AAK1: variants seen among roughly 807,000 people sequenced by gnomAD.
AAK1 encodes AP2 associated kinase 1.
In AAK1, 37 loss-of-function variants were observed where a neutral mutation model predicts 116.0. The ratio of observed to expected loss-of-function variants is 0.32; its 90% CI spans 0.25 to 0.42. The LOEUF (loss-of-function observed/expected upper bound fraction) is 0.42, where lower values mean the gene tolerates loss of function less well. AAK1 is among the 10% of genes least tolerant of loss of function. The probability of loss-of-function intolerance (pLI) is 1.00; values close to 1 mark genes in which losing one functional copy is unlikely to be tolerated. For missense variants in AAK1, 919 were observed against 1,170.6 expected (o/e 0.79, Z 3.14); for synonymous variants, 458 against 439.9 (o/e 1.04, Z -0.51).
chr2:69,562,821 C>T (rs368978161), intron 2 of AAK1, among the ~76,000 whole-genome samples: 15 of 152,248 alleles, frequency 9.9e-5, no homozygotes, highest in African/African-American at 3.6e-4. Context: ...ACCTGGGAGG[C>T]GGAGGTTGCA....
intron 18 of AAK1, chr2:69,481,704 A>C (rs1675092674): frequency 6.6e-6 from 1 of 152,264 alleles, no homozygotes; most frequent in Non-Finnish European, 1.5e-5. Flanking sequence ...AAAATGTGAG[A>C]GAGGAAGCAG....
intron 13 of AAK1, among the ~76,000 whole-genome samples, chr2:69,513,599 A>G (rs2104979590): frequency 6.6e-6 from 1 of 152,348 alleles, no homozygotes. Context: ...CTGGGATTAC[A>G]GGCGTGAGGC....
chr2:69,458,622 C>T lies in AAK1; in HGVS notation c.*17247G>A, dbSNP rs181724194. The T allele has an allele frequency of 6.5e-6, 1 of 152,700 alleles. No individual in the cohort carries two copies. The highest frequency in any genetic ancestry group is 1.9e-4 in the East Asian group (1 of 5,192). The allele number at this position is 152,700 out of a possible 1,614,324, so 9.5% of individuals were successfully genotyped here. Reference sequence around the variant, plus strand: ...AACTACATTTACTCATGCCAAATACCTATGGTCACTTCTCAGTACTCTTTG... The same window carrying T: ...AACTACATTTACTCATGCCAAATACTTATGGTCACTTCTCAGTACTCTTTG... On this transcript the variant is annotated 3_prime_UTR_variant, in exon 22 of 22. Coordinates refer to ENST00000409085, the MANE Select transcript of AAK1 (RefSeq NM_014911.5).
At position 69,467,757 on chromosome 2, in the gene AAK1, A is replaced by G; in HGVS notation, c.*8112T>C. On this transcript the variant is annotated 3_prime_UTR_variant, in exon 22 of 22. Transcript: ENST00000409085. ...AATTATCCCCTGCTAAAGTTTCTGC[A>G]TGAATTAAGCACACAGACCACAGCA... is the stretch of plus-strand genomic sequence containing the variant. 2 of 985,482 alleles carry G rather than the reference A, an allele frequency of 2.0e-6. No individual in the cohort carries two copies. The highest frequency in any genetic ancestry group is 3.5e-5 in the African/African-American group (2 of 57,376). 61.0% of individuals were successfully genotyped at this position (985,482 alleles called of 1,614,324 possible). A position where few individuals can be genotyped will look rare whatever the true frequency, so the allele number is the denominator to read the frequency against.
At chr2:69,563,157 AGCAAGTAGTATATCTTCTG>A in intron 2 of AAK1, among the ~76,000 whole-genome samples, 1 of 152,228 alleles carries the variant, frequency 6.6e-6, no homozygotes, top group Non-Finnish European at 1.5e-5. Flanking sequence ...TGGAAGAAGA[AGCAAGTAGTATATCTTCTG>A]GCTCTATATT....
intron 21 of AAK1, among the ~76,000 whole-genome samples, 192 bp from the exon 22 acceptor site, chr2:69,476,155 G>C (rs1313687346): frequency 6.6e-6 from 1 of 152,128 alleles, no homozygotes; most frequent in Non-Finnish European, 1.5e-5. Context: ...ATGTAAGTTA[G>C]CTGTCCACCA....
chr2:69,643,397 G>C, intron 1 of AAK1, 123 bp from the exon 2 acceptor site: 4 of 1,182,402 alleles, frequency 3.4e-6, no homozygotes, highest in Non-Finnish European at 4.2e-6. Flanking sequence ...TTCCCGGCGA[G>C]AAAAACCGTG....
chr2:69,629,220 C>CATG (rs1386404074), intron 2 of AAK1, among the ~76,000 whole-genome samples: 1 of 152,178 alleles, frequency 6.6e-6, no homozygotes, highest in Non-Finnish European at 1.5e-5. Context: ...ATGCTCACTA[C>CATG]CCCAAATACA....
intron 2 of AAK1, among the ~76,000 whole-genome samples, chr2:69,569,944 G>A (rs922038852): frequency 5.3e-5 from 8 of 152,090 alleles, no homozygotes; most frequent in Non-Finnish European, 1.0e-4. Context: ...TGTTGTACAA[G>A]TCTTTTTGTG....
chr2:69,594,961 T>C, intron 2 of AAK1: 1 of 862,368 alleles, frequency 1.2e-6, no homozygotes, highest in South Asian at 1.3e-5. Flanking sequence ...TCCCTGGGCA[T>C]ACAGAGAATC....
chr2:69,588,856 T>C (rs980201494), intron 2 of AAK1, among the ~76,000 whole-genome samples: 3 of 152,200 alleles, frequency 2.0e-5, no homozygotes, highest in African/African-American at 7.2e-5. Context: ...TGTAGGAGAA[T>C]ATTTTATAAA....
At chr2:69,586,740 G>C (rs1025601387) in intron 2 of AAK1, among the ~76,000 whole-genome samples, 1 of 152,128 alleles carries the variant, frequency 6.6e-6, no homozygotes, top group African/African-American at 2.4e-5. Flanking sequence ...TCATTCCATT[G>C]TTCTTTAGAC....
At chr2:69,619,546 T>C (rs556788506) in intron 2 of AAK1, among the ~76,000 whole-genome samples, 1 of 152,202 alleles carries the variant, frequency 6.6e-6, no homozygotes, top group South Asian at 2.1e-4. Context: ...ACAGAAAAGC[T>C]CATAAAGCTT....
chr2:69,514,457 T>C lies in AAK1; in HGVS notation c.1776+14A>G, dbSNP rs1676505385. On this transcript the variant is annotated intron_variant, in intron 13 of 21. Coordinates refer to ENST00000409085, the MANE Select transcript of AAK1 (RefSeq NM_014911.5). ...TCTGCTGCTTTTGTGCTCTGAGCTC[T>C]GGTTGATTCTTACCGCTGGCTCCTG... 1.3e-6 allele frequency: 2 copies of C among 1,526,194 alleles called. No individual in the cohort carries two copies. Among genetic ancestry groups the C allele is most frequent in the Non-Finnish European group, 1.8e-6 (2 of 1,133,408 alleles). The allele number at this position is 1,526,194 out of a possible 1,614,324, so 94.5% of individuals were successfully genotyped here.
chr2:69,469,418 T>G lies in AAK1; in HGVS notation c.*6451A>C. On this transcript the variant is annotated 3_prime_UTR_variant, in exon 22 of 22. Transcript: ENST00000409085. ...TTTTTTTGAGTATGTGAATGTGTTC[T>G]TACAGGGAAAATGTGTTTTCAGGGT... 4 of 985,466 alleles carry G rather than the reference T, an allele frequency of 4.1e-6. No homozygotes were observed. The South Asian group carries it at 1.9e-4, about 46-fold the overall frequency. The allele number at this position is 985,466 out of a possible 1,614,324, so 61.0% of individuals were successfully genotyped here. A position where few individuals can be genotyped will look rare whatever the true frequency, so the allele number is the denominator to read the frequency against.
At chr2:69,561,587 ATTT>A (rs796739892) in intron 2 of AAK1, among the ~76,000 whole-genome samples, 1 of 152,148 alleles carries the variant, frequency 6.6e-6, no homozygotes, top group Admixed American at 6.5e-5. Flanking sequence ...ATCTTTAGAA[ATTT>A]TTATTTTTAT....
In AAK1 at chr2:69,479,035, G is replaced by C; in HGVS notation, c.2596C>G (p.Leu866Val). 6.2e-7 allele frequency: 1 copy of C among 1,613,790 alleles called. No homozygotes were observed. Among genetic ancestry groups the C allele is most frequent in the Non-Finnish European group, 8.5e-7 (1 of 1,179,710 alleles). The change falls in exon 20 of 22, where the codon CTT (leucine) becomes GTT (valine). Residue 866 changes from leucine to valine, a missense_variant. Physicochemically the swap from Leu to Val is conservative, Grantham distance 32. Transcript: ENST00000409085. Reference sequence around the variant, plus strand: ...GGGTTAGAGAGCAGAGAGCAATCAAGCAGGGAATCTTCCCCGGTGAGAGAA... The same window carrying C: ...GGGTTAGAGAGCAGAGAGCAATCAACCAGGGAATCTTCCCCGGTGAGAGAA... ...TDSLTGEDSLLDCSLLSNPTT... is the reference protein window; with the variant it reads ...TDSLTGEDSLVDCSLLSNPTT...
chr2:69,615,283 G>A (rs1463782917), intron 2 of AAK1, among the ~76,000 whole-genome samples: 1 of 152,184 alleles, frequency 6.6e-6, no homozygotes, highest in Non-Finnish European at 1.5e-5. Context: ...GTTCAGTCCT[G>A]CTGGGCACTC....
chr2:69,495,963 C>T, intron 17 of AAK1, 22 bp downstream of exon 17: 1 of 1,544,686 alleles, frequency 6.5e-7, no homozygotes, highest in Non-Finnish European at 8.8e-7. Flanking sequence ...TGCTTAACCT[C>T]AGAACAGTTC....
Sources: allele counts gnomAD v4.1 joint callset (sites outside exome capture counted in the v4.1 genomes callset), GRCh38; gene constraint gnomAD v4.1.1; transcripts MANE v1.5; gene names NCBI Gene and HGNC (gene_info 2026-07-23, HGNC 2026-07-21).